The following SORCS1 variants were observed in gnomAD, a reference collection of about 807,000 sequenced individuals.
SORCS1 encodes the protein VPS10 domain-containing receptor SorCS1.
In SORCS1, 60 loss-of-function variants were observed where a neutral mutation model predicts 146.1. The observed-to-expected ratio is 0.41, with a 90% CI of 0.33 to 0.51. The LOEUF (loss-of-function observed/expected upper bound fraction) is 0.51, where lower values mean the gene tolerates loss of function less well. Ranked by LOEUF, SORCS1 falls within the 20% of genes least tolerant of loss-of-function variation. The pLI is 0.21. For missense variants in SORCS1, 1,352 were observed against 1,487.6 expected, an observed-to-expected ratio of 0.91 and a Z score of 1.50; for synonymous variants, 637 against 584.0, an observed-to-expected ratio of 1.09 and a Z score of -1.31.
chr10:106,819,786 G>C (rs1947923598), intron 3 of SORCS1, among the ~76,000 whole-genome samples: 1 of 152,152 alleles, frequency 6.6e-6, no homozygotes, highest in Non-Finnish European at 1.5e-5. Context: ...AAAGATAAGG[G>C]TAAATTGTAC....
rs549259143 is a variant in SORCS1, at chr10:106,590,438, A to T, written c.3265+6913T>A. On this transcript the variant is annotated intron_variant, in intron 24 of 25. Transcript: ENST00000263054. ...AGTAAGGCATAGAGTCATGTGAAGA[A>T]TAAGATGATAAATCTAAAAATGGAT... is the stretch of plus-strand genomic sequence containing the variant. Among the ~76,000 whole-genome samples the T allele has an allele frequency of 7.9e-5, 12 of 152,316 alleles. No homozygotes were observed. The East Asian group carries it at 2.1e-3, about 27-fold the overall frequency.
At chr10:107,151,532 T>G (rs1968796065) in intron 1 of SORCS1, among the ~76,000 whole-genome samples, 1 of 152,130 alleles carries the variant, frequency 6.6e-6, no homozygotes, top group South Asian at 2.1e-4. Context: ...TGGATACCCC[T>G]GATAAACCCA....
intron 3 of SORCS1, among the ~76,000 whole-genome samples, chr10:106,821,930 A>T (rs1029083803): frequency 1.3e-4 from 18 of 141,586 alleles, no homozygotes; most frequent in African/African-American, 4.2e-4. Context: ...TCAAAAAAAT[A>T]AAAAAAAAAA....
chr10:106,609,666 T>C (rs898283397), intron 22 of SORCS1, among the ~76,000 whole-genome samples: 1 of 152,210 alleles, frequency 6.6e-6, no homozygotes, highest in Non-Finnish European at 1.5e-5. Flanking sequence ...AACCCTGCCC[T>C]GAGGGATAAT....
chr10:106,830,723 CCTT>C (rs923389633), intron 2 of SORCS1, among the ~76,000 whole-genome samples: 3 of 151,888 alleles, frequency 2.0e-5, no homozygotes, highest in Non-Finnish European at 2.9e-5. Context: ...TTGCGACACT[CCTT>C]CTCTATCAAA....
chr10:106,916,116 C>T (rs762477471), intron 2 of SORCS1, among the ~76,000 whole-genome samples: 2 of 152,016 alleles, frequency 1.3e-5, no homozygotes, highest in Non-Finnish European at 1.5e-5. Context: ...CTAGCATAGG[C>T]TTTCATAAAG....
intron 19 of SORCS1, 57 bp from the exon 20 acceptor site, chr10:106,620,618 C>T: frequency 1.3e-6 from 2 of 1,586,854 alleles, no homozygotes; most frequent in Non-Finnish European, 1.7e-6. Flanking sequence ...CTGCTCTGTC[C>T]TCCCTGCTCT....
At chr10:106,937,688 G>T (rs551580976) in intron 2 of SORCS1, among the ~76,000 whole-genome samples, 1 of 152,116 alleles carries the variant, frequency 6.6e-6, no homozygotes, top group African/African-American at 2.4e-5. Flanking sequence ...TCTAGGCTGG[G>T]CACGGTGGCT....
At chr10:106,660,102 A>G (rs1046909098) in intron 17 of SORCS1, among the ~76,000 whole-genome samples, 3 of 152,146 alleles carry the variant, frequency 2.0e-5, no homozygotes, top group Admixed American at 6.5e-5. Context: ...AGTATCCTTG[A>G]GAGGAGATCA....
At chr10:106,621,600 T>TG (rs893074847) in intron 19 of SORCS1, among the ~76,000 whole-genome samples, 3 of 151,840 alleles carry the variant, frequency 2.0e-5, no homozygotes, top group Admixed American at 1.3e-4. Context: ...AGACTCCTTC[T>TG]GGGGGGGTCT....
At position 107,074,420 on chromosome 10, in the gene SORCS1, CCA is replaced by C. The variant is rs550480210; in HGVS notation, c.558+89547_558+89548del. On this transcript the variant is annotated intron_variant, in intron 1 of 25. Coordinates refer to ENST00000263054, the MANE Select transcript of SORCS1 (RefSeq NM_052918.5). ...GTAATACTCCATTTTCTGGATGGTG[CCA>C]CAGTTTCTTTGTCCATTCACCTACC... Among the ~76,000 whole-genome samples the C allele has an allele frequency of 1.3e-4, 20 of 152,252 alleles. No individual in the cohort carries two copies. In the East Asian group the frequency reaches 3.5e-3, roughly 26 times the overall value.
chr10:106,689,516 G>A (rs534826548), intron 9 of SORCS1, among the ~76,000 whole-genome samples: 1 of 152,160 alleles, frequency 6.6e-6, no homozygotes. Flanking sequence ...GAGCAGGCTA[G>A]CAAGCCTATT....
intron 1 of SORCS1, among the ~76,000 whole-genome samples, chr10:107,102,055 T>C (rs188574767): frequency 2.0e-5 from 3 of 152,336 alleles, no homozygotes; most frequent in East Asian, 3.9e-4. Context: ...GGGAGCTTTC[T>C]GGACCTTATG....
intron 1 of SORCS1, among the ~76,000 whole-genome samples, chr10:107,006,994 G>C (rs900155711): frequency 7.2e-5 from 11 of 152,052 alleles, no homozygotes; most frequent in African/African-American, 2.7e-4. Context: ...ATTTTTTCTA[G>C]GTTAAGTCAT....
upstream of SORCS1, among the ~76,000 whole-genome samples, chr10:107,167,046 A>G (rs2053267558): frequency 6.6e-6 from 1 of 152,204 alleles, no homozygotes; most frequent in Admixed American, 6.5e-5. Flanking sequence ...TTTGCAGTCC[A>G]TTTGCTGGGA....
chr10:106,983,944 G>C (rs1034963937), intron 1 of SORCS1, among the ~76,000 whole-genome samples: 5 of 152,006 alleles, frequency 3.3e-5, no homozygotes, highest in Non-Finnish European at 5.9e-5. Flanking sequence ...TATCTAACTT[G>C]GTATTCAGAA....
At chr10:106,737,676 A>C (rs924654619) in intron 5 of SORCS1, among the ~76,000 whole-genome samples, 20 of 152,180 alleles carry the variant, frequency 1.3e-4, no homozygotes, top group African/African-American at 4.6e-4. Flanking sequence ...AGTGAGCCGA[A>C]ATCATGCCAC....
intron 3 of SORCS1, among the ~76,000 whole-genome samples, chr10:106,795,828 T>C (rs1381850764): frequency 6.6e-6 from 1 of 152,176 alleles, no homozygotes; most frequent in Admixed American, 6.5e-5. Context: ...TGCCGTGGAA[T>C]GAGATACGGG....
At chr10:106,840,254 G>C (rs536063957) in intron 2 of SORCS1, among the ~76,000 whole-genome samples, 45 of 152,280 alleles carry the variant, frequency 3.0e-4, no homozygotes, top group Admixed American at 8.5e-4. Context: ...ATTCATGGGA[G>C]GAGATGAAAA....
Sources: gnomAD v4.1 joint callset for allele counts (sites outside exome capture counted in the v4.1 genomes callset) on GRCh38, gnomAD v4.1.1 for gene constraint, MANE v1.5 for transcripts, NCBI Gene and HGNC (gene_info 2026-07-23, HGNC 2026-07-21) for gene names.